The following ASPH variants were observed in gnomAD, a reference collection of about 807,000 sequenced individuals.
The protein encoded by ASPH is aspartyl/asparaginyl beta-hydroxylase.
A neutral mutation model predicts 118.4 loss-of-function variants in ASPH; 100 were observed. The observed-to-expected ratio is 0.84, with a 90% CI of 0.72 to 1.00. The LOEUF (loss-of-function observed/expected upper bound fraction) is 1.00. ASPH is among the 50% of genes least tolerant of loss of function. The pLI is 0.00. For missense variants in ASPH, 920 were observed against 919.5 expected (o/e 1.00, Z -0.01); for synonymous variants, 315 against 325.6 (o/e 0.97, Z 0.35).
intron 4 of ASPH, among the ~76,000 whole-genome samples, chr8:61,651,849 T>A (rs1473250709): frequency 6.6e-6 from 1 of 152,220 alleles, no homozygotes; most frequent in African/African-American, 2.4e-5. Context: ...AACAAGAAGC[T>A]ATAACTACAT....
At chr8:61,570,840 A>G (rs1833270353) in intron 16 of ASPH, among the ~76,000 whole-genome samples, 1 of 152,206 alleles carries the variant, frequency 6.6e-6, no homozygotes, top group Admixed American at 6.5e-5. Flanking sequence ...TTCTGCCTCA[A>G]AGGCATTAAT....
chr8:61,691,658 ATACT>A (rs1215448254), intron 1 of ASPH, among the ~76,000 whole-genome samples: 1 of 152,214 alleles, frequency 6.6e-6, no homozygotes, highest in African/African-American at 2.4e-5. Flanking sequence ...GTATGCTTTC[ATACT>A]TAGACACCTG....
At chr8:61,714,023 C>A (rs369489395) in intron 1 of ASPH, among the ~76,000 whole-genome samples, 2 of 152,276 alleles carry the variant, frequency 1.3e-5, no homozygotes, top group Admixed American at 1.3e-4. Flanking sequence ...GGTGAAGGAA[C>A]CGCTGGGAAG....
chr8:61,644,501 A>C, intron 7 of ASPH, 99 bp downstream of exon 7: 2 of 788,564 alleles, frequency 2.5e-6, no homozygotes, highest in Middle Eastern at 4.1e-4. Context: ...GCATATATTA[A>C]TTTAAATATA....
Position 61,624,229 on chromosome 8 carries a change from T to C in ASPH, c.935-5210A>G, listed in dbSNP as rs79267218. 38,115 of 985,034 alleles carry C rather than the reference T, an allele frequency of 0.039. 795 individuals carry two copies. Among genetic ancestry groups the C allele is most frequent in the Non-Finnish European group, 0.044 (36,095 of 829,716 alleles). The allele number at this position is 985,034 out of a possible 1,614,324, so 61.0% of individuals were successfully genotyped here. On this transcript the variant is annotated intron_variant, in intron 13 of 24. Transcript: ENST00000379454. ...ATTATATACTCACAAAAATTAAAAA[T>C]TTGGGGAAAAAAGGTGGAGCAGGCT...
chr8:61,570,286 G>C (rs72659008), intron 16 of ASPH, among the ~76,000 whole-genome samples: 8,788 of 152,176 alleles, frequency 0.058, 459 homozygotes, highest in East Asian at 0.28. Context: ...TACTGAATAT[G>C]TATCACTTTC....
intron 24 of ASPH, among the ~76,000 whole-genome samples, chr8:61,504,957 A>T (rs1586136909): frequency 6.6e-6 from 1 of 150,530 alleles, no homozygotes; most frequent in African/African-American, 2.4e-5. Context: ...ACCTCCACCC[A>T]GTGTGCTATC....
In ASPH at chr8:61,551,071, C is replaced by T. The variant is rs117115100; in HGVS notation, c.1626+1960G>A. ...GCCATCGTGTGGGACACTGAGCTGG[C>T]AGTAGACATGAGAATGGGGACTTGG... On this transcript the variant is annotated intron_variant, in intron 20 of 24. Coordinates refer to ENST00000379454, the MANE Select transcript of ASPH (RefSeq NM_004318.4). Among the ~76,000 whole-genome samples, 1,047 of 152,232 alleles carry T rather than the reference C, an allele frequency of 6.9e-3. 6 individuals are homozygous for T. The highest frequency in any genetic ancestry group is 0.01 in the Admixed American group (158 of 15,290).
Position 61,503,461 on chromosome 8 carries a change from G to A in ASPH, c.2175C>T (p.His725=), listed in dbSNP as rs112982646. 2.8e-5 allele frequency: 45 copies of A among 1,612,756 alleles called. No individual in the cohort carries two copies. The East Asian group carries it at 6.0e-4, about 22-fold the overall frequency. ...AAGATGAGGCATCCTGCCATACCTC[G>A]TGCTCAAAGGAGTCATCAAAGATGA... is the stretch of plus-strand genomic sequence containing the variant. ...KVLIFDDSFE[H]EVWQDASSFR... The change falls in exon 25 of 25, where the codon CAC becomes CAT. Residue 725 remains histidine, a synonymous_variant. Coordinates refer to ENST00000379454, the MANE Select transcript of ASPH (RefSeq NM_004318.4).
Position 61,503,233 on chromosome 8 carries a change from G to T in ASPH, c.*126C>A. The T allele has an allele frequency of 8.4e-7, 1 of 1,184,714 alleles. No homozygotes were observed. Among genetic ancestry groups the T allele is most frequent in the Non-Finnish European group, 1.1e-6 (1 of 882,292 alleles). 73.4% of individuals were successfully genotyped at this position (1,184,714 alleles called of 1,614,324 possible). ...TCTTCTGACCCTAGGAGGAGGCTTT[G>T]AATTACTCGGGCTGCAAGTCAAGGG... is the stretch of plus-strand genomic sequence containing the variant. On this transcript the variant is annotated 3_prime_UTR_variant, in exon 25 of 25. Transcript: ENST00000379454.
chr8:61,561,958 A>G (rs779512942), intron 18 of ASPH, among the ~76,000 whole-genome samples: 1 of 152,226 alleles, frequency 6.6e-6, no homozygotes, highest in Non-Finnish European at 1.5e-5. Flanking sequence ...ACAAAACTGT[A>G]GCAGAAATCA....
chr8:61,580,570 G>T (rs769129370), intron 15 of ASPH, among the ~76,000 whole-genome samples: 4 of 152,200 alleles, frequency 2.6e-5, no homozygotes, highest in Non-Finnish European at 4.4e-5. Context: ...CAGATTTCCA[G>T]AATTAGTTTC....
intron 5 of ASPH, among the ~76,000 whole-genome samples, chr8:61,650,354 T>A (rs1810332130): frequency 6.6e-6 from 1 of 152,134 alleles, no homozygotes; most frequent in Non-Finnish European, 1.5e-5. Flanking sequence ...TTTATTTTCC[T>A]TTAGGCCACC....
intron 3 of ASPH, chr8:61,664,401 G>A: frequency 1.0e-6 from 1 of 971,928 alleles, no homozygotes; most frequent in Non-Finnish European, 1.2e-6. Flanking sequence ...GTTATTCTAA[G>A]ACTATAAAGG....
chr8:61,634,339 C>T (rs1447872182), intron 12 of ASPH, among the ~76,000 whole-genome samples: 1 of 152,162 alleles, frequency 6.6e-6, no homozygotes, highest in Non-Finnish European at 1.5e-5. Flanking sequence ...ACCCATTTAA[C>T]ATTACCTTAA....
At chr8:61,556,172 T>C in intron 18 of ASPH, 150 bp from the exon 19 acceptor site, 2 of 645,730 alleles carry the variant, frequency 3.1e-6, no homozygotes, top group Non-Finnish European at 5.3e-6. Context: ...CCATAGTACT[T>C]TGTCTCATGG....
intron 21 of ASPH, among the ~76,000 whole-genome samples, chr8:61,547,144 T>G (rs1376518311): frequency 6.6e-6 from 1 of 152,206 alleles, no homozygotes; most frequent in Non-Finnish European, 1.5e-5. Context: ...TATGACTGTC[T>G]AAGAAGAGGG....
chr8:61,579,932 ATGG>A (rs1836921495), intron 15 of ASPH, among the ~76,000 whole-genome samples: 1 of 111,588 alleles, frequency 9.0e-6, no homozygotes, highest in Non-Finnish European at 2.0e-5. Context: ...AAAAAAAAAA[ATGG>A]GAGAAATTCG....
chr8:61,667,661 G>A (rs1039454508), intron 3 of ASPH, among the ~76,000 whole-genome samples: 2 of 152,114 alleles, frequency 1.3e-5, no homozygotes, highest in Non-Finnish European at 2.9e-5. Context: ...CACCGTGCCC[G>A]GACAATAATT....
Sources: allele counts gnomAD v4.1 joint callset (sites outside exome capture counted in the v4.1 genomes callset), GRCh38; gene constraint gnomAD v4.1.1; transcripts MANE v1.5; gene names NCBI Gene and HGNC (gene_info 2026-07-23, HGNC 2026-07-21).